Variants in MELK observed in about 807,000 individuals in gnomAD.
MELK encodes the protein maternal embryonic leucine zipper kinase, also known as pEg3 kinase.
In MELK, 81 loss-of-function variants were observed where a neutral mutation model predicts 85.0. The observed-to-expected ratio is 0.95, with a 90% confidence interval of 0.80 to 1.15. The LOEUF (loss-of-function observed/expected upper bound fraction) is 1.15. Among genes scored for constraint, MELK ranks in the 50% most tolerant of loss-of-function variants. The pLI is 0.00. For synonymous variants in MELK, 252 were observed against 265.0 expected, an observed-to-expected ratio of 0.95 and a Z score of 0.48; for missense variants, 754 against 777.5, an observed-to-expected ratio of 0.97 and a Z score of 0.36.
intron 8 of MELK, among the ~76,000 whole-genome samples, chr9:36,623,865 G>A (rs1380950246): frequency 6.6e-6 from 1 of 152,178 alleles, no homozygotes; most frequent in East Asian, 1.9e-4. Flanking sequence ...GCAGTATGCC[G>A]AGTGCTTTCA....
At chr9:36,587,558 G>A (rs187280003) in intron 3 of MELK, among the ~76,000 whole-genome samples, 1 of 151,216 alleles carries the variant, frequency 6.6e-6, no homozygotes, top group Admixed American at 6.6e-5. Flanking sequence ...CTCGTGATCC[G>A]CCTGCCTCGG....
intron 8 of MELK, among the ~76,000 whole-genome samples, chr9:36,623,183 A>G (rs1300416577): frequency 1.3e-5 from 2 of 152,196 alleles, no homozygotes; most frequent in African/African-American, 2.4e-5. Flanking sequence ...GAATGTTTCC[A>G]TACACTACCA....
intron 11 of MELK, among the ~76,000 whole-genome samples, chr9:36,644,961 T>C (rs1350734065): frequency 6.6e-6 from 1 of 152,082 alleles, no homozygotes; most frequent in Non-Finnish European, 1.5e-5. Context: ...ACTTTAAAAA[T>C]CTGAATCTTA....
In MELK at chr9:36,651,630, A is replaced by AT. The variant is rs1830709572; in HGVS notation, c.922-116_922-115insT. 4 of 1,241,078 alleles carry AT rather than the reference A, an allele frequency of 3.2e-6. No homozygotes were observed. The South Asian group carries it at 5.9e-5, about 18-fold the overall frequency. 76.9% of individuals were successfully genotyped at this position (1,241,078 alleles called of 1,614,324 possible). A position where few individuals can be genotyped will look rare whatever the true frequency, so the allele number is the denominator to read the frequency against. On this transcript the variant is annotated intron_variant, in intron 11 of 17. Coordinates refer to ENST00000298048, the MANE Select transcript of MELK (RefSeq NM_014791.4). The stretch of plus-strand genomic sequence containing the variant: ...CTGTTTTTCATCATATGCTGTGTAA[A>AT]CCTATTGGCTTTTAAAGTTCTGAAT...
At chr9:36,624,778 G>T (rs184608198) in intron 8 of MELK, among the ~76,000 whole-genome samples, 1 of 152,274 alleles carries the variant, frequency 6.6e-6, no homozygotes, top group Non-Finnish European at 1.5e-5. Flanking sequence ...TTTCAGAATT[G>T]AAAGGCATAA....
At chr9:36,610,614 A>T (rs1166952874) in intron 8 of MELK, among the ~76,000 whole-genome samples, 1 of 152,126 alleles carries the variant, frequency 6.6e-6, no homozygotes, top group Non-Finnish European at 1.5e-5. Flanking sequence ...TCACTTCTTG[A>T]GCTTTCTTGA....
chr9:36,634,962 GA>G (rs1416642152), intron 10 of MELK, among the ~76,000 whole-genome samples: 1 of 151,958 alleles, frequency 6.6e-6, no homozygotes, highest in East Asian at 1.9e-4. Flanking sequence ...AAAAGAAAAA[GA>G]AAAAAATGGC....
intron 8 of MELK, among the ~76,000 whole-genome samples, chr9:36,615,802 C>G (rs935364512): frequency 4.7e-5 from 7 of 150,180 alleles, no homozygotes; most frequent in African/African-American, 1.2e-4. Flanking sequence ...GTGATGGCGG[C>G]TGGGAAGAGG....
intron 16 of MELK, among the ~76,000 whole-genome samples, chr9:36,673,682 C>T (rs1833091380): frequency 6.6e-6 from 1 of 152,186 alleles, no homozygotes; most frequent in Admixed American, 6.5e-5. Flanking sequence ...CTTGGCTTCC[C>T]AAAGTGCTGG....
chr9:36,605,602 A>C (rs558716812), intron 7 of MELK, among the ~76,000 whole-genome samples: 43 of 151,940 alleles, frequency 2.8e-4, no homozygotes, highest in Non-Finnish European at 5.9e-4. Context: ...GTAAATGGTC[A>C]ATTTCTGACC....
chr9:36,624,835 T>G (rs973456219), intron 8 of MELK, among the ~76,000 whole-genome samples: 1 of 152,190 alleles, frequency 6.6e-6, no homozygotes, highest in Admixed American at 6.5e-5. Flanking sequence ...TAATGTCTTT[T>G]TTATTATGAT....
At chr9:36,584,080 A>C (rs1254788311) in intron 3 of MELK, among the ~76,000 whole-genome samples, 1 of 151,396 alleles carries the variant, frequency 6.6e-6, no homozygotes, top group African/African-American at 2.4e-5. Context: ...ATCTCGGCTC[A>C]CTGCAAGCTC....
intron 12 of MELK, among the ~76,000 whole-genome samples, chr9:36,654,901 A>G (rs1021324828): frequency 2.6e-5 from 4 of 152,204 alleles, no homozygotes; most frequent in African/African-American, 9.6e-5. Flanking sequence ...CTTTATGCAA[A>G]TTATTGAGAC....
At chr9:36,616,572 C>T (rs966026321) in intron 8 of MELK, among the ~76,000 whole-genome samples, 1 of 151,338 alleles carries the variant, frequency 6.6e-6, no homozygotes, top group East Asian at 1.9e-4. Context: ...GTAGTTTTAG[C>T]AGAGATGGGG....
intron 11 of MELK, among the ~76,000 whole-genome samples, chr9:36,647,494 C>T (rs1411405047): frequency 7.0e-6 from 1 of 143,662 alleles, no homozygotes; most frequent in Non-Finnish European, 1.5e-5. Context: ...TTCTTTCTTT[C>T]TTTTTTTTTT....
chr9:36,674,894 A>G lies in MELK; in HGVS notation c.1735A>G (p.Met579Val). The change falls in exon 17 of 18, where the codon ATG (methionine) becomes GTG (valine). Residue 579 changes from methionine (M) to valine (V), a missense_variant. Transcript: ENST00000298048. Reference sequence around the variant, plus strand: ...TCCAGATCAACTGTTGAATGAAATAATGTCTATTCTTCCAAAGAAGCATGT... The same window carrying G: ...TCCAGATCAACTGTTGAATGAAATAGTGTCTATTCTTCCAAAGAAGCATGT... ...VNPDQLLNEI[M>V]SILPKKHVDF... is the part of the protein sequence containing the mutation. 1 of 1,599,512 alleles carries G rather than the reference A, an allele frequency of 6.3e-7. No homozygotes were observed. The highest frequency in any genetic ancestry group is 8.6e-7 in the Non-Finnish European group (1 of 1,166,780).
chr9:36,630,674 G>A (rs1828478547), intron 9 of MELK, among the ~76,000 whole-genome samples: 1 of 152,190 alleles, frequency 6.6e-6, no homozygotes, highest in Non-Finnish European at 1.5e-5. Context: ...TGGAGATAGA[G>A]TCTCACTCCT....
At position 36,643,028 on chromosome 9, in the gene MELK, A is replaced by C. The variant is rs759203954; in HGVS notation, c.866A>C (p.Glu289Ala). ...CACCTCGATGATGATTGCGTAACAG[A>C]ACTTTCTGTACATCACAGAAACAAC... is the stretch of plus-strand genomic sequence containing the variant. ...FIHLDDDCVTELSVHHRNNRQ... is the reference protein window; with the variant it reads ...FIHLDDDCVTALSVHHRNNRQ... The change falls in exon 11 of 18, where the codon GAA (glutamate) becomes GCA (alanine). Residue 289 changes from glutamate to alanine, a missense_variant. Coordinates refer to ENST00000298048, the MANE Select transcript of MELK (RefSeq NM_014791.4). 3.7e-6 allele frequency: 6 copies of C among 1,612,612 alleles called. No homozygotes were observed. The East Asian group carries it at 8.9e-5, about 24-fold the overall frequency.
At chr9:36,672,008 G>C (rs1229261913) in intron 16 of MELK, among the ~76,000 whole-genome samples, 1 of 152,108 alleles carries the variant, frequency 6.6e-6, no homozygotes, top group Non-Finnish European at 1.5e-5. Context: ...AGATGGTAGT[G>C]TGCCCATCAT....
Sources: allele counts gnomAD v4.1 joint callset (sites outside exome capture counted in the v4.1 genomes callset), GRCh38; gene constraint gnomAD v4.1.1; transcripts MANE v1.5; gene names NCBI Gene and HGNC (gene_info 2026-07-23, HGNC 2026-07-21).